COL4A5: variants seen among roughly 807,000 people sequenced by gnomAD.
COL4A5 encodes collagen alpha-5(IV) chain.
COL4A5 carries 26 observed loss-of-function variants against 130.2 expected under a neutral mutation model. That is an observed-to-expected ratio of 0.20 (90% confidence interval 0.15 to 0.28). The LOEUF is 0.28. COL4A5 is among the 10% of genes least tolerant of loss of function. COL4A5 has a pLI of 1.00. For missense variants in COL4A5, 1,131 were observed against 1,344.3 expected (o/e 0.84, Z 2.48); for synonymous variants, 496 against 439.6 (o/e 1.13, Z -1.60).
At chrX:108,443,048 A>G (rs1239482688) in intron 1 of COL4A5, 3 of 111,647 alleles carry the variant, frequency 2.7e-5, no homozygotes, top group Non-Finnish European at 5.6e-5. Flanking sequence ...TATGTGGTCT[A>G]TAGAGATTTA....
At position 108,686,190 on chromosome X, in the gene COL4A5, G is replaced by T. The variant is rs762688218; in HGVS notation, c.4315+61G>T. The T allele has an allele frequency of 3.4e-6, 3 of 884,600 alleles. No individual in the cohort carries two copies. In the East Asian group the frequency reaches 9.7e-5, roughly 29 times the overall value. The allele number at this position is 884,600 out of a possible 1,213,427, so 72.9% of individuals were successfully genotyped here. A position where few individuals can be genotyped will look rare whatever the true frequency, so the allele number is the denominator to read the frequency against. Reference sequence around the variant, plus strand: ...AGTCTTTGAGTCTGAGAGACCTCTGGACATAGGGCCTCCACTTAGAGCTGT... The same window carrying T: ...AGTCTTTGAGTCTGAGAGACCTCTGTACATAGGGCCTCCACTTAGAGCTGT... On this transcript the variant is annotated intron_variant, in intron 48 of 52. Coordinates refer to ENST00000328300, the MANE Select transcript of COL4A5 (RefSeq NM_033380.3).
rs1244269848 is a variant in COL4A5 at position 108,614,964 on chromosome X, G to A, written c.2449G>A (p.Gly817Arg). 1.7e-6 allele frequency: 2 copies of A among 1,209,583 alleles called. No individual in the cohort carries two copies. The highest frequency in any genetic ancestry group is 3.5e-5 in the African/African-American group (2 of 57,106). The change falls in exon 30 of 53, where the codon GGA becomes AGA. Residue 817 changes from glycine (G) to arginine (R), a missense_variant. By Grantham distance (125) the Gly-to-Arg change is moderately radical (BLOSUM62 -2). Transcript: ENST00000328300. The stretch of plus-strand genomic sequence containing the variant: ...ACCAATGGGACCTCCTGGGCTGCCA[G>A]GAATAGGTGTTCAGGGACCACCAGG... Reference protein sequence around the residue: ...PGPMGPPGLPGIGVQGPPGPP... With the variant: ...PGPMGPPGLPRIGVQGPPGPP...
intron 1 of COL4A5, among the ~76,000 whole-genome samples, chrX:108,520,234 T>C (rs1468547597): frequency 9.0e-6 from 1 of 111,717 alleles, no homozygotes; most frequent in Non-Finnish European, 1.9e-5. Flanking sequence ...TGTTCTAGCT[T>C]AATTACATTA....
chrX:108,518,099 G>A (rs1197086059), intron 1 of COL4A5, among the ~76,000 whole-genome samples: 1 of 111,054 alleles, frequency 9.0e-6, no homozygotes, highest in African/African-American at 3.3e-5. Context: ...GAATAAAATA[G>A]CGTACACTTG....
At chrX:108,452,390 C>T (rs1379271634) in intron 1 of COL4A5, among the ~76,000 whole-genome samples, 7 of 111,808 alleles carry the variant, frequency 6.3e-5, no homozygotes, top group Non-Finnish European at 1.1e-4. Flanking sequence ...ATGGGGATGG[C>T]ATTGAATCTA....
chrX:108,533,697 T>TA (rs2065416332), intron 1 of COL4A5, among the ~76,000 whole-genome samples: 2 of 110,660 alleles, frequency 1.8e-5, no homozygotes, highest in South Asian at 7.6e-4. Flanking sequence ...CTATATTAAA[T>TA]AAAAAGCTTC....
chrX:108,507,172 G>A (rs2065132544), intron 1 of COL4A5, among the ~76,000 whole-genome samples: 1 of 103,394 alleles, frequency 9.7e-6, no homozygotes, highest in Admixed American at 1.1e-4. Flanking sequence ...GAGGAGGAGG[G>A]ACTCCTTCCC....
At chrX:108,694,356 G>T (rs936850754) in intron 50 of COL4A5, 2 of 163,633 alleles carry the variant, frequency 1.2e-5, no homozygotes, top group Admixed American at 1.5e-4. Flanking sequence ...TTTGGACCAA[G>T]AATAATGAGT....
intron 1 of COL4A5, among the ~76,000 whole-genome samples, chrX:108,473,633 A>ATATATATATATATATTTTTTTTTTTT: frequency 1.2e-4 from 4 of 34,558 alleles, no homozygotes; most frequent in African/African-American, 4.3e-4. Context: ...ATATATATAT[A>ATATATATATATATATTTTTTTTTTTT]TTTTTTTTTT....
At chrX:108,636,161 G>A (rs2067350659) in intron 36 of COL4A5, among the ~76,000 whole-genome samples, 1 of 111,591 alleles carries the variant, frequency 9.0e-6, no homozygotes, top group South Asian at 3.7e-4. Context: ...TGGGAAAAGA[G>A]GATACCTGTC....
Position 108,548,861 on chromosome X carries a change from AATT to A in COL4A5, c.141+9062_141+9064del, listed in dbSNP as rs1449147953. The stretch of plus-strand genomic sequence containing the variant: ...GAGCTAAAAAAAAATTTGCAAGCAC[AATT>A]ATTATATACAGTTAAAATATACTTC... On this transcript the variant is annotated intron_variant, in intron 2 of 52. Coordinates refer to ENST00000328300, the MANE Select transcript of COL4A5 (RefSeq NM_033380.3). 2.7e-5 allele frequency among the ~76,000 whole-genome samples: 3 copies of A among 111,898 alleles called. No homozygotes were observed. In the Admixed American group the frequency reaches 2.8e-4, roughly 11 times the overall value.
At chrX:108,588,283 A>G (rs2066370439) in intron 19 of COL4A5, among the ~76,000 whole-genome samples, 2 of 111,456 alleles carry the variant, frequency 1.8e-5, no homozygotes, top group Non-Finnish European at 3.8e-5. Flanking sequence ...ATGAAATACT[A>G]AAATGATGAG....
chrX:108,511,909 A>C (rs2065183004), intron 1 of COL4A5, among the ~76,000 whole-genome samples: 1 of 111,570 alleles, frequency 9.0e-6, no homozygotes, highest in South Asian at 3.8e-4. Context: ...GGTTGGAAGA[A>C]AATTTGAAGT....
intron 1 of COL4A5, among the ~76,000 whole-genome samples, chrX:108,508,518 G>A (rs969169998): frequency 2.9e-4 from 25 of 86,127 alleles, no homozygotes; most frequent in Admixed American, 2.8e-3. Flanking sequence ...GACATTCTTC[G>A]CAGAACTAGA....
At chrX:108,487,091 G>A (rs901013883) in intron 1 of COL4A5, among the ~76,000 whole-genome samples, 16 of 112,005 alleles carry the variant, frequency 1.4e-4, no homozygotes, top group Non-Finnish European at 2.8e-4. Context: ...CCCCAGTAGT[G>A]TAGAAGTGTT....
intron 1 of COL4A5, among the ~76,000 whole-genome samples, chrX:108,497,016 A>G (rs1239458672): frequency 1.8e-5 from 2 of 111,807 alleles, no homozygotes; most frequent in Non-Finnish European, 3.8e-5. Context: ...ACCCTTTACC[A>G]GTAACTCTCC....
intron 43 of COL4A5, among the ~76,000 whole-genome samples, chrX:108,675,911 C>T (rs1392735996): frequency 8.9e-6 from 1 of 111,752 alleles, no homozygotes; most frequent in Non-Finnish European, 1.9e-5. Context: ...AAAGTAGGTG[C>T]TATTCTTAAT....
chrX:108,445,977 A>G (rs1042563913), intron 1 of COL4A5, among the ~76,000 whole-genome samples: 3 of 111,679 alleles, frequency 2.7e-5, no homozygotes, highest in Non-Finnish European at 5.6e-5. Flanking sequence ...GCATAGAACA[A>G]TGACTTGTAA....
intron 1 of COL4A5, among the ~76,000 whole-genome samples, chrX:108,447,867 C>T (rs1259372071): frequency 9.0e-6 from 1 of 111,701 alleles, no homozygotes; most frequent in Non-Finnish European, 1.9e-5. Flanking sequence ...ATGAACCACC[C>T]AGACACTTAG....
Sources: allele counts gnomAD v4.1 joint callset (sites outside exome capture counted in the v4.1 genomes callset), GRCh38; gene constraint gnomAD v4.1.1; transcripts MANE v1.5; gene names NCBI Gene and HGNC (gene_info 2026-07-23, HGNC 2026-07-21).